The following EML1 variants were observed in gnomAD, a reference collection of about 807,000 sequenced individuals.
The protein encoded by EML1 is EMAP like 1, also known as echinoderm microtubule-associated protein-like 1.
A neutral mutation model predicts 110.4 loss-of-function variants in EML1; 27 were observed. That is an observed-to-expected ratio of 0.24 (90% CI 0.18 to 0.34). The LOEUF (loss-of-function observed/expected upper bound fraction) is 0.34, where lower values mean the gene tolerates loss of function less well. Ranked by LOEUF, EML1 falls within the 10% of genes least tolerant of loss-of-function variation. The probability of loss-of-function intolerance (pLI) is 1.00; values close to 1 mark genes in which losing one functional copy is unlikely to be tolerated. For synonymous variants in EML1, 344 were observed against 385.8 expected (o/e 0.89, Z 1.27); for missense variants, 741 against 1,030.9 (o/e 0.72, Z 3.85).
chr14:99,760,512 G>T (rs750152833), intron 1 of EML1, among the ~76,000 whole-genome samples: 8 of 152,144 alleles, frequency 5.3e-5, no homozygotes, highest in African/African-American at 9.7e-5. Context: ...TGTTTAGAAC[G>T]CACCGTTCAA....
chr14:99,935,318 T>G (rs2060447306), intron 17 of EML1, among the ~76,000 whole-genome samples: 1 of 150,982 alleles, frequency 6.6e-6, no homozygotes, highest in Non-Finnish European at 1.5e-5. Context: ...TACAAAAAAA[T>G]GTTTTTAAAT....
chr14:99,906,897 C>G (rs1191376659), intron 9 of EML1: 1 of 152,520 alleles, frequency 6.6e-6, no homozygotes, highest in East Asian at 1.9e-4. Context: ...TATTCACACA[C>G]ATGTGCACGT....
intron 3 of EML1, chr14:99,874,875 T>C: frequency 6.6e-7 from 1 of 1,518,908 alleles, no homozygotes; most frequent in Non-Finnish European, 9.0e-7. Context: ...TTTTCCACGC[T>C]TTTATTAATT....
upstream of EML1, chr14:99,792,748 C>G (rs959714572): frequency 6.6e-6 from 1 of 152,450 alleles, no homozygotes; most frequent in East Asian, 1.9e-4. Context: ...GATAGCCTCT[C>G]TGGCCCAGTG....
intron 1 of EML1, among the ~76,000 whole-genome samples, chr14:99,825,748 C>T (rs186934848): frequency 2.6e-5 from 4 of 152,226 alleles, no homozygotes; most frequent in African/African-American, 9.7e-5. Flanking sequence ...GCCCCAGCCC[C>T]TTGCCATGTA....
chr14:99,837,628 C>G (rs1441960765), intron 1 of EML1, among the ~76,000 whole-genome samples: 1 of 152,176 alleles, frequency 6.6e-6, no homozygotes, highest in East Asian at 1.9e-4. Context: ...AAGACAAGTT[C>G]TACCATAAAA....
intron 1 of EML1, among the ~76,000 whole-genome samples, chr14:99,748,644 C>A (rs1031982635): frequency 6.6e-6 from 1 of 151,778 alleles, no homozygotes; most frequent in East Asian, 1.9e-4. Context: ...GGCAACAGAG[C>A]GAGACCCTGT....
chr14:99,932,529 T>C (rs6575753), intron 17 of EML1, among the ~76,000 whole-genome samples: 117,099 of 151,718 alleles, frequency 0.77, 45,660 homozygotes, highest in African/African-American at 0.89. Flanking sequence ...ATCCCAGCTA[T>C]CTGGAAGGCT....
At chr14:99,897,436 C>A in intron 7 of EML1, 142 bp downstream of exon 7, 1 of 912,708 alleles carries the variant, frequency 1.1e-6, no homozygotes, top group Non-Finnish European at 1.5e-6. Flanking sequence ...ATTCCTGTTG[C>A]ACAGGTGGAA....
At chr14:99,897,057 G>C (rs2059682638) in intron 6 of EML1, 88 bp from the exon 7 acceptor site, 1 of 1,191,022 alleles carries the variant, frequency 8.4e-7, no homozygotes, top group Non-Finnish European at 1.1e-6. Flanking sequence ...ATAGTTATAT[G>C]GTATTTTATT....
chr14:99,922,526 T>C (rs1002737857), intron 17 of EML1, among the ~76,000 whole-genome samples: 1 of 152,124 alleles, frequency 6.6e-6, no homozygotes, highest in African/African-American at 2.4e-5. Flanking sequence ...TTCTTAGGAG[T>C]GAAATTGACG....
chr14:99,936,029 A>T lies in EML1; in HGVS notation c.1910A>T (p.Asp637Val). 3.7e-6 allele frequency: 6 copies of T among 1,613,760 alleles called. No individual in the cohort carries two copies. The highest frequency in any genetic ancestry group is 5.1e-6 in the Non-Finnish European group (6 of 1,179,754). ...EQLSVMRYSP[D>V]GNFLAIGSHD... is the part of the protein sequence containing the mutation. ...AATGTAATTTGTCATCTTTTTATAG[A>T]TGGGAATTTCTTAGCCATAGGCTCA... is the stretch of plus-strand genomic sequence containing the variant. The change falls in exon 18 of 22, where the codon GAT becomes GTT. Residue 637 changes from aspartate to valine, a missense_variant and splice_region_variant. Coordinates refer to ENST00000262233, the MANE Select transcript of EML1 (RefSeq NM_004434.3). The surrounding 1 kb of genome is among the most constrained non-coding windows in gnomAD (Gnocchi z 5.5).
intron 1 of EML1, among the ~76,000 whole-genome samples, chr14:99,766,556 A>G (rs1271987164): frequency 6.6e-6 from 1 of 152,092 alleles, no homozygotes; most frequent in East Asian, 1.9e-4. Context: ...ACCAACTAGC[A>G]ATTTTAGGGG....
At chr14:99,926,749 C>CTT (rs1032537404) in intron 17 of EML1, among the ~76,000 whole-genome samples, 2 of 142,094 alleles carry the variant, frequency 1.4e-5, no homozygotes. Context: ...CCAGCTCTGC[C>CTT]TTTTTTTTTT....
chr14:99,832,707 T>A (rs1345561291), intron 1 of EML1, among the ~76,000 whole-genome samples: 2 of 152,210 alleles, frequency 1.3e-5, no homozygotes, highest in African/African-American at 2.4e-5. Flanking sequence ...CGTTTTAAAA[T>A]TGGGTTATTC....
chr14:99,823,331 C>G (rs910988616), intron 1 of EML1, among the ~76,000 whole-genome samples: 1 of 152,056 alleles, frequency 6.6e-6, no homozygotes, highest in Non-Finnish European at 1.5e-5. Flanking sequence ...CCTGGCCGCA[C>G]TGTGGCTGTG....
At chr14:99,806,235 G>T (rs1266162923) in intron 1 of EML1, among the ~76,000 whole-genome samples, 1 of 151,190 alleles carries the variant, frequency 6.6e-6, no homozygotes, top group Non-Finnish European at 1.5e-5. Flanking sequence ...CTGAAGATGT[G>T]TCACCGGATC....
chr14:99,750,312 A>G (rs1451953863), intron 1 of EML1, among the ~76,000 whole-genome samples: 1 of 152,188 alleles, frequency 6.6e-6, no homozygotes, highest in Non-Finnish European at 1.5e-5. Flanking sequence ...GTCAGATGCG[A>G]TGAGGACTCC....
upstream of EML1, among the ~76,000 whole-genome samples, chr14:99,789,764 G>A (rs775679483): frequency 1.3e-5 from 2 of 152,106 alleles, no homozygotes; most frequent in South Asian, 4.1e-4. Context: ...TTTTTCACAC[G>A]TTGTACAAAT....
Sources: allele counts gnomAD v4.1 joint callset (sites outside exome capture counted in the v4.1 genomes callset), GRCh38; gene constraint gnomAD v4.1.1; non-coding constraint Gnocchi (gnomAD v3.1); transcripts MANE v1.5; gene names NCBI Gene and HGNC (gene_info 2026-07-23, HGNC 2026-07-21).